Variants in TOR3A observed in about 807,000 individuals in gnomAD.
The protein encoded by TOR3A is torsin family 3 member A, also known as torsin-3A.
In TOR3A, 44 loss-of-function variants were observed where a neutral mutation model predicts 42.1. The ratio of observed to expected loss-of-function variants is 1.04; its 90% CI spans 0.82 to 1.34. The LOEUF (loss-of-function observed/expected upper bound fraction) is 1.34, where lower values mean the gene tolerates loss of function less well. Ranked by LOEUF, TOR3A falls within the 40% of genes most tolerant of loss-of-function variation. The pLI is 0.00. For missense variants in TOR3A, 521 were observed against 507.6 expected (o/e 1.03, Z -0.25); for synonymous variants, 227 against 213.2 (o/e 1.06, Z -0.57).
intron 3 of TOR3A, among the ~76,000 whole-genome samples, chr1:179,087,277 T>C (rs1652459379): frequency 6.6e-6 from 1 of 152,210 alleles, no homozygotes; most frequent in Admixed American, 6.5e-5. Flanking sequence ...GGAGCCAAGT[T>C]GGATGTTGGT....
At chr1:179,085,484 GCTT>G in intron 2 of TOR3A, 141 bp from the exon 3 acceptor site, 1 of 1,005,044 alleles carries the variant, frequency 9.9e-7, no homozygotes, top group Non-Finnish European at 1.5e-6. Context: ...CTGCCCTCTG[GCTT>G]CTTATTCTAA....
At chr1:179,094,937 A>G (rs781601935) in intron 5 of TOR3A, 31 bp from the exon 6 acceptor site, 2 of 1,610,950 alleles carry the variant, frequency 1.2e-6, no homozygotes, top group Admixed American at 3.3e-5. Flanking sequence ...GTCCTAGGTC[A>G]GACTCCATGT....
intron 4 of TOR3A, among the ~76,000 whole-genome samples, chr1:179,090,114 G>C (rs564788904): frequency 8.2e-4 from 115 of 140,180 alleles, no homozygotes; most frequent in African/African-American, 2.6e-3. Context: ...GGCGGGGTGG[G>C]GGGGGGGGCC....
At chr1:179,088,938 G>A (rs888289417) in intron 4 of TOR3A, among the ~76,000 whole-genome samples, 2 of 152,252 alleles carry the variant, frequency 1.3e-5, no homozygotes, top group African/African-American at 2.4e-5. Context: ...ACTCCACTCC[G>A]GCCTCGCCTT....
At chr1:179,092,107 G>A (rs1652605692) in intron 4 of TOR3A, among the ~76,000 whole-genome samples, 1 of 152,232 alleles carries the variant, frequency 6.6e-6, no homozygotes, top group African/African-American at 2.4e-5. Context: ...GAGGCACCTA[G>A]CTAGACAACT....
intron 2 of TOR3A, 63 bp downstream of exon 2, chr1:179,083,116 A>C: frequency 9.7e-7 from 1 of 1,027,830 alleles, no homozygotes; most frequent in Non-Finnish European, 1.4e-6. Flanking sequence ...GTCCAGGGGA[A>C]ATGGTTAGAT....
At chr1:179,094,056 A>G (rs1240732260) in intron 4 of TOR3A, 37 bp from the exon 5 acceptor site, 3 of 1,603,180 alleles carry the variant, frequency 1.9e-6, no homozygotes, top group East Asian at 2.2e-5. Context: ...GAAGCTAAAT[A>G]TAAACAAATG....
chr1:179,085,414 C>T, intron 2 of TOR3A: 1 of 585,832 alleles, frequency 1.7e-6, no homozygotes, highest in Non-Finnish European at 3.0e-6. Flanking sequence ...CAGAGCAAGA[C>T]TCCATCTCAA....
Position 179,085,484 on chromosome 1 carries a change from G to T in TOR3A, c.374-144G>T, listed in dbSNP as rs1031378426. ...CTTCTGCTACAAAGTCTGCCCTCTG[G>T]CTTCTTATTCTAAGGCCAAACAGGA... On this transcript the variant is annotated intron_variant, in intron 2 of 5. Transcript: ENST00000367627. 10 of 1,005,044 alleles carry T rather than the reference G, an allele frequency of 9.9e-6. No homozygotes were observed. In the African/African-American group the frequency reaches 1.6e-4, roughly 16 times the overall value. 62.3% of individuals were successfully genotyped at this position (1,005,044 alleles called of 1,614,324 possible).
At position 179,082,412 on chromosome 1, in the gene TOR3A, C is replaced by T. The variant is rs1331792099; in HGVS notation, c.259+25C>T. 3 of 1,581,120 alleles carry T rather than the reference C, an allele frequency of 1.9e-6. No individual in the cohort carries two copies. The African/African-American group carries it at 4.1e-5, about 22-fold the overall frequency. ...GGTAAGACCCCGTCCCCACGGTCCG[C>T]CGTTCGCTGCGGAGCAGAGTGCGAT... On this transcript the variant is annotated intron_variant, in intron 1 of 5. Coordinates refer to ENST00000367627, the MANE Select transcript of TOR3A (RefSeq NM_022371.4).
In TOR3A at chr1:179,095,588, T is replaced by G. The variant is rs182074161; in HGVS notation, c.*370T>G. 9.0e-6 allele frequency: 10 copies of G among 1,111,846 alleles called. No individual in the cohort carries two copies. In the Admixed American group the frequency reaches 1.4e-4, roughly 16 times the overall value. The allele number at this position is 1,111,846 out of a possible 1,614,324, so 68.9% of individuals were successfully genotyped here. ...AGCTCAGCAAATCCCAAGGGCTTATTATGACACTCCAGATGGTCTCCTTAG... is the reference window on the plus strand; with the variant it reads ...AGCTCAGCAAATCCCAAGGGCTTATGATGACACTCCAGATGGTCTCCTTAG... On this transcript the variant is annotated 3_prime_UTR_variant, in exon 6 of 6. Coordinates refer to ENST00000367627, the MANE Select transcript of TOR3A (RefSeq NM_022371.4).
At chr1:179,089,827 C>T (rs1252335334) in intron 4 of TOR3A, among the ~76,000 whole-genome samples, 10 of 152,142 alleles carry the variant, frequency 6.6e-5, no homozygotes. Context: ...AGGGATCTCC[C>T]TTGCGCTGAG....
intron 2 of TOR3A, 178 bp from the exon 3 acceptor site, chr1:179,085,450 C>G: frequency 4.1e-6 from 3 of 723,716 alleles, no homozygotes; most frequent in Non-Finnish European, 7.1e-6. Flanking sequence ...GAAAGTAGTC[C>G]TTGAATCCCT....
chr1:179,095,645 G>A lies in TOR3A; in HGVS notation c.*427G>A. The A allele has an allele frequency of 2.0e-6, 2 of 1,025,196 alleles. No homozygotes were observed. Among genetic ancestry groups the A allele is most frequent in the South Asian group, 3.9e-5 (1 of 25,534 alleles). The allele number at this position is 1,025,196 out of a possible 1,614,324, so 63.5% of individuals were successfully genotyped here. On this transcript the variant is annotated 3_prime_UTR_variant, in exon 6 of 6. Transcript: ENST00000367627. Reference sequence around the variant, plus strand: ...AGCTCTTCTGCAAGGAAGAGCTTGGGTGTTAGGCCTCAGAGGCTGTAGGGT... The same window carrying A: ...AGCTCTTCTGCAAGGAAGAGCTTGGATGTTAGGCCTCAGAGGCTGTAGGGT...
intron 3 of TOR3A, 133 bp downstream of exon 3, chr1:179,086,026 C>A: frequency 9.8e-7 from 1 of 1,015,672 alleles, no homozygotes; most frequent in Non-Finnish European, 1.4e-6. Flanking sequence ...TGTGACAGAG[C>A]CACTCCGTCC....
At chr1:179,091,659 T>C (rs1035670007) in intron 4 of TOR3A, 2 of 152,326 alleles carry the variant, frequency 1.3e-5, no homozygotes, top group African/African-American at 4.8e-5. Context: ...TCTTTACCCA[T>C]GTAAGCACCT....
chr1:179,095,014 C>T lies in TOR3A; in HGVS notation c.990C>T (p.Asp330=). 6.2e-7 allele frequency: 1 copy of T among 1,614,220 alleles called. No homozygotes were observed. The highest frequency in any genetic ancestry group is 8.5e-7 in the Non-Finnish European group (1 of 1,180,036). Residue 330 remains aspartate, a synonymous_variant, in exon 6 of 6, where the codon GAC becomes GAT. Transcript: ENST00000367627. ...HSRLVKENLI[D]YFIPFLPLEY... is the part of the protein sequence containing the mutation. ...GTCTTGTGAAGGAAAACCTGATTGA[C>T]TACTTCATCCCCTTCCTGCCTTTGG... is the stretch of plus-strand genomic sequence containing the variant.
rs1239636488 is a variant in TOR3A at position 179,095,116 on chromosome 1, T to G, written c.1092T>G (p.Asp364Glu). ...QELLYKEETL[D>E]EIAQMMVYVP... ...TCCTGTATAAAGAAGAGACACTGGA[T>G]GAAATAGCCCAGATGATGGTGTATG... The change falls in exon 6 of 6, where the codon GAT (aspartate) becomes GAG (glutamate). Residue 364 changes from aspartate (D) to glutamate (E), a missense_variant. Physicochemically the swap from Asp to Glu is conservative, Grantham distance 45. Coordinates refer to ENST00000367627, the MANE Select transcript of TOR3A (RefSeq NM_022371.4). 2 of 1,614,220 alleles carry G rather than the reference T, an allele frequency of 1.2e-6. No individual in the cohort carries two copies.
At position 179,095,608 on chromosome 1, in the gene TOR3A, CCTT is replaced by C. The variant is rs1191893686; in HGVS notation, c.*391_*393del. ...CTTATTATGACACTCCAGATGGTCT[CCTT>C]AGCATCTCAGCTCTTCTGCAAGGAA... On this transcript the variant is annotated 3_prime_UTR_variant, in exon 6 of 6. Transcript: ENST00000367627. The C allele has an allele frequency of 9.4e-7, 1 of 1,064,486 alleles. No individual in the cohort carries two copies. Among genetic ancestry groups the C allele is most frequent in the African/African-American group, 1.7e-5 (1 of 59,546 alleles). 65.9% of individuals were successfully genotyped at this position (1,064,486 alleles called of 1,614,324 possible).
Sources: allele counts gnomAD v4.1 joint callset (sites outside exome capture counted in the v4.1 genomes callset), GRCh38; gene constraint gnomAD v4.1.1; transcripts MANE v1.5; gene names NCBI Gene and HGNC (gene_info 2026-07-23, HGNC 2026-07-21).